The following RASGRF2 variants were observed in gnomAD, a reference collection of about 807,000 sequenced individuals.
The protein encoded by RASGRF2 is ras-specific guanine nucleotide-releasing factor 2.
In RASGRF2, 76 loss-of-function variants were observed where a neutral mutation model predicts 151.0. The observed-to-expected ratio is 0.50, with a 90% CI of 0.42 to 0.61. The LOEUF (loss-of-function observed/expected upper bound fraction) is 0.61, where lower values mean the gene tolerates loss of function less well. RASGRF2 is among the 20% of genes least tolerant of loss of function. The pLI, the probability that RASGRF2 is intolerant of heterozygous loss-of-function variation, is 0.00. For synonymous variants in RASGRF2, 504 were observed against 566.5 expected (o/e 0.89, Z 1.57); for missense variants, 1,148 against 1,564.6 (o/e 0.73, Z 4.49).
intron 1 of RASGRF2, among the ~76,000 whole-genome samples, chr5:81,032,413 C>T (rs1006901720): frequency 1.6e-4 from 24 of 152,268 alleles, no homozygotes; most frequent in African/African-American, 5.3e-4. Flanking sequence ...TACTGGCAAA[C>T]CAAATTCAGC....
At chr5:80,974,477 T>G (rs996661205) in intron 1 of RASGRF2, among the ~76,000 whole-genome samples, 1 of 152,168 alleles carries the variant, frequency 6.6e-6, no homozygotes, top group Non-Finnish European at 1.5e-5. Flanking sequence ...GGCCCAGGCA[T>G]TTAGGAAATC....
chr5:81,175,656 T>C (rs1754757451), intron 17 of RASGRF2, among the ~76,000 whole-genome samples: 1 of 149,722 alleles, frequency 6.7e-6, no homozygotes, highest in Admixed American at 6.7e-5. Context: ...CTCAGGAGGC[T>C]GAGGCAGGAG....
intron 1 of RASGRF2, among the ~76,000 whole-genome samples, chr5:80,989,016 C>T (rs187468804): frequency 2.0e-5 from 3 of 151,496 alleles, no homozygotes; most frequent in South Asian, 2.1e-4. Flanking sequence ...CTCGCTCTGT[C>T]GCCCAGGTTG....
Position 81,112,712 on chromosome 5 carries a change from C to T in RASGRF2, c.1941C>T (p.Leu647=), listed in dbSNP as rs766173986. The T allele has an allele frequency of 6.2e-7, 1 of 1,614,090 alleles. No homozygotes were observed. The highest frequency in any genetic ancestry group is 8.5e-7 in the Non-Finnish European group (1 of 1,180,046). The change falls in exon 14 of 27, where the codon CTC becomes CTT. Residue 647 remains leucine, a synonymous_variant. Coordinates refer to ENST00000265080, the MANE Select transcript of RASGRF2 (RefSeq NM_006909.3). ...PQIRYASVER[L]LERLTDLRFL... is the part of the protein sequence containing the mutation. ...TCCGTTATGCCAGCGTGGAGCGCCT[C>T]TTGGAACGACTGACAGACTTGCGGT... is the stretch of plus-strand genomic sequence containing the variant.
At chr5:81,181,445 TTAAA>T (rs1444091247) in intron 18 of RASGRF2, among the ~76,000 whole-genome samples, 6 of 152,226 alleles carry the variant, frequency 3.9e-5, no homozygotes, top group East Asian at 3.8e-4. Context: ...CTTACACATC[TTAAA>T]TAAATAGAAA....
At chr5:81,032,377 C>A (rs186512519) in intron 1 of RASGRF2, among the ~76,000 whole-genome samples, 2 of 152,188 alleles carry the variant, frequency 1.3e-5, no homozygotes, top group Non-Finnish European at 2.9e-5. Context: ...CCCTGATGAA[C>A]ATCGATGTAA....
intron 17 of RASGRF2, among the ~76,000 whole-genome samples, chr5:81,142,246 G>A (rs1041246975): frequency 1.3e-3 from 197 of 152,260 alleles, no homozygotes; most frequent in African/African-American, 4.5e-3. Context: ...TTCCTGTCCC[G>A]GTGGGGATTC....
At chr5:81,222,335 CAGTG>C (rs1181035499) in intron 26 of RASGRF2, among the ~76,000 whole-genome samples, 1 of 152,224 alleles carries the variant, frequency 6.6e-6, no homozygotes, top group East Asian at 1.9e-4. Flanking sequence ...CCCTCTCCAA[CAGTG>C]AGAGACACAC....
At chr5:81,128,251 C>T (rs116223584) in intron 17 of RASGRF2, among the ~76,000 whole-genome samples, 2,847 of 152,192 alleles carry the variant, frequency 0.019, 85 homozygotes, top group African/African-American at 0.065. Flanking sequence ...GTACCGCATA[C>T]TTGAAAATGG....
chr5:81,003,469 C>T (rs560427415), intron 1 of RASGRF2, among the ~76,000 whole-genome samples: 8 of 150,434 alleles, frequency 5.3e-5, no homozygotes, highest in African/African-American at 1.0e-4. Context: ...GTGATCTGCC[C>T]GCCTTGGCCT....
chr5:80,973,327 G>A (rs1748000929), intron 1 of RASGRF2, among the ~76,000 whole-genome samples: 1 of 152,166 alleles, frequency 6.6e-6, no homozygotes, highest in African/African-American at 2.4e-5. Flanking sequence ...AAAGACAAAA[G>A]TCATGATGTT....
At chr5:81,216,038 C>A in intron 24 of RASGRF2, 83 bp downstream of exon 24, 2 of 1,241,264 alleles carry the variant, frequency 1.6e-6, no homozygotes, top group Non-Finnish European at 2.1e-6. Flanking sequence ...AGTGACCTAC[C>A]ACCTACTTTG....
chr5:81,155,407 A>G (rs1316042294), intron 17 of RASGRF2, among the ~76,000 whole-genome samples: 1 of 152,228 alleles, frequency 6.6e-6, no homozygotes, highest in African/African-American at 2.4e-5. Context: ...TTAAAAAGCC[A>G]AAAGTGCTGC....
chr5:81,168,206 T>C (rs1754557166), intron 17 of RASGRF2, among the ~76,000 whole-genome samples: 1 of 150,846 alleles, frequency 6.6e-6, no homozygotes, highest in Non-Finnish European at 1.5e-5. Context: ...CCTTTTCACC[T>C]CCTTAAGAAC....
At chr5:81,191,913 G>A (rs546570695) in intron 18 of RASGRF2, among the ~76,000 whole-genome samples, 2 of 152,238 alleles carry the variant, frequency 1.3e-5, no homozygotes, top group East Asian at 3.9e-4. Context: ...CCTTCTCACT[G>A]AATTAGTGTC....
intron 9 of RASGRF2, among the ~76,000 whole-genome samples, chr5:81,089,523 G>A (rs1752332299): frequency 6.6e-6 from 1 of 152,156 alleles, no homozygotes; most frequent in African/African-American, 2.4e-5. Context: ...AAGTTTTATT[G>A]TAAATGGTTT....
At chr5:81,073,161 TA>T in intron 4 of RASGRF2, 37 bp from the exon 5 acceptor site, 1 of 1,586,294 alleles carries the variant, frequency 6.3e-7, no homozygotes, top group Non-Finnish European at 8.6e-7. Flanking sequence ...ATCACCATTG[TA>T]ACTAGTCAGA....
chr5:80,998,882 A>G (rs1335436827), intron 1 of RASGRF2, among the ~76,000 whole-genome samples: 2 of 152,096 alleles, frequency 1.3e-5, no homozygotes, highest in East Asian at 1.9e-4. Flanking sequence ...GGCTGTGTAC[A>G]TCTGCTGAAA....
At chr5:81,115,804 A>C (rs143868376) in intron 15 of RASGRF2, among the ~76,000 whole-genome samples, 42 of 152,250 alleles carry the variant, frequency 2.8e-4, no homozygotes, top group Non-Finnish European at 5.3e-4. Flanking sequence ...ACAATGGTAA[A>C]TAGCACCTTC....
Sources: allele counts gnomAD v4.1 joint callset (sites outside exome capture counted in the v4.1 genomes callset), GRCh38; gene constraint gnomAD v4.1.1; transcripts MANE v1.5; gene names NCBI Gene and HGNC (gene_info 2026-07-23, HGNC 2026-07-21).